Variants in LIMCH1 observed in about 807,000 individuals in gnomAD.
The protein encoded by LIMCH1 is LIM and calponin homology domains-containing protein 1.
In LIMCH1, 113 loss-of-function variants were observed where a neutral mutation model predicts 176.5. The observed-to-expected ratio is 0.64, with a 90% CI of 0.55 to 0.75. The LOEUF is 0.75. LIMCH1 is among the 30% of genes least tolerant of loss of function. The pLI is 0.00. For synonymous variants in LIMCH1, 619 were observed against 645.9 expected (o/e 0.96, Z 0.63); for missense variants, 1,674 against 1,814.9 (o/e 0.92, Z 1.41).
chr4:41,617,940 G>C (rs2092265042), intron 5 of LIMCH1, among the ~76,000 whole-genome samples: 1 of 152,204 alleles, frequency 6.6e-6, no homozygotes, highest in African/African-American at 2.4e-5. Flanking sequence ...TCTTCCAACA[G>C]CTATGAAGTA....
intron 1 of LIMCH1, among the ~76,000 whole-genome samples, chr4:41,405,713 G>A (rs1178689308): frequency 2.0e-5 from 3 of 151,948 alleles, no homozygotes; most frequent in Admixed American, 2.0e-4. Context: ...CAGTTACCCT[G>A]ATTTGATTAT....
At chr4:41,604,655 A>G (rs1275468332) in intron 3 of LIMCH1, among the ~76,000 whole-genome samples, 1 of 152,064 alleles carries the variant, frequency 6.6e-6, no homozygotes, top group African/African-American at 2.4e-5. Context: ...ACAACAGTCT[A>G]TTTTCCATTC....
At chr4:41,363,144 G>C (rs1051894182) in intron 1 of LIMCH1, among the ~76,000 whole-genome samples, 1 of 152,206 alleles carries the variant, frequency 6.6e-6, no homozygotes, top group Non-Finnish European at 1.5e-5. Flanking sequence ...GGTTCTTCTT[G>C]AAATGTAAAT....
chr4:41,547,220 C>T (rs573051808), intron 1 of LIMCH1, among the ~76,000 whole-genome samples: 5 of 152,236 alleles, frequency 3.3e-5, no homozygotes, highest in East Asian at 3.9e-4. Flanking sequence ...CAGCTATAGT[C>T]GCTGTGCTGT....
At chr4:41,484,155 A>G (rs2069121016) in intron 1 of LIMCH1, among the ~76,000 whole-genome samples, 2 of 152,232 alleles carry the variant, frequency 1.3e-5, no homozygotes, top group Non-Finnish European at 2.9e-5. Flanking sequence ...TCAGTTATGC[A>G]ATTTGTGTTC....
At chr4:41,522,860 G>A (rs1403132695) in intron 2 of LIMCH1, among the ~76,000 whole-genome samples, 1 of 152,112 alleles carries the variant, frequency 6.6e-6, no homozygotes, top group Non-Finnish European at 1.5e-5. Context: ...TCCAAAATAA[G>A]TTATAAAGAA....
Position 41,664,596 on chromosome 4 carries a change from A to G in LIMCH1, c.3291+1612A>G, listed in dbSNP as rs2094757418. Among the ~76,000 whole-genome samples the G allele has an allele frequency of 1.3e-5, 2 of 152,252 alleles. 1 individual carries two copies. The highest frequency in any genetic ancestry group is 1.3e-4 in the Admixed American group (2 of 15,288). ...TTTTATCAGCATCACACTAGTTACT[A>G]TTATTTATTACCCTTCCAAATTTAC... On this transcript the variant is annotated intron_variant, in intron 20 of 31. Transcript: ENST00000503057.
At chr4:41,672,162 G>C (rs2095062860) in intron 22 of LIMCH1, among the ~76,000 whole-genome samples, 1 of 152,134 alleles carries the variant, frequency 6.6e-6, no homozygotes, top group Non-Finnish European at 1.5e-5. Flanking sequence ...TTGAGGTCAG[G>C]AGTTCGAGAC....
At chr4:41,423,649 G>T (rs2060818864) in intron 1 of LIMCH1, among the ~76,000 whole-genome samples, 1 of 152,094 alleles carries the variant, frequency 6.6e-6, no homozygotes, top group African/African-American at 2.4e-5. Context: ...GGGGGAGAGT[G>T]AGGGTGGGAC....
intron 7 of LIMCH1, among the ~76,000 whole-genome samples, chr4:41,624,397 C>G (rs1450148388): frequency 1.3e-5 from 2 of 151,998 alleles, no homozygotes; most frequent in Non-Finnish European, 2.9e-5. Flanking sequence ...GACATGGATT[C>G]CTCTACAGCC....
chr4:41,574,647 A>G (rs2152637771), intron 1 of LIMCH1, among the ~76,000 whole-genome samples: 1 of 152,280 alleles, frequency 6.6e-6, no homozygotes, highest in East Asian at 1.9e-4. Context: ...CTACAAACCT[A>G]TCAGCTTAAC....
In LIMCH1 at chr4:41,620,625, C is replaced by G. The variant is rs2092495583; in HGVS notation, c.660C>G (p.Ile220Met). ...CTGAAGAAAAAGATGCTGCTGAGATCCAAAAGCGCAAAAGGCTAGAGCAAG... is the reference window on the plus strand; with the variant it reads ...CTGAAGAAAAAGATGCTGCTGAGATGCAAAAGCGCAAAAGGCTAGAGCAAG... The part of the protein sequence containing the change: ...PKSEEKDAAE[I>M]QKRKRLEQAG... Residue 220 changes from isoleucine to methionine, a missense_variant, in exon 7 of 32, where the codon ATC becomes ATG. Transcript: ENST00000503057. The G allele has an allele frequency of 3.3e-6, 5 of 1,536,052 alleles. No homozygotes were observed. Among genetic ancestry groups the G allele is most frequent in the Admixed American group, 2.0e-5 (1 of 50,988 alleles).
intron 1 of LIMCH1, among the ~76,000 whole-genome samples, chr4:41,418,163 C>T (rs1333252598): frequency 2.0e-5 from 3 of 152,042 alleles, no homozygotes; most frequent in African/African-American, 7.2e-5. Flanking sequence ...GAAGTTTTAG[C>T]GAATAAGTCA....
At chr4:41,644,403 G>A (rs1467608398) in intron 14 of LIMCH1, 97 bp from the exon 15 acceptor site, 1 of 1,382,036 alleles carries the variant, frequency 7.2e-7, no homozygotes, top group Non-Finnish European at 9.5e-7. Flanking sequence ...AGTTTTCCAA[G>A]CCCGGTAGCG....
intron 1 of LIMCH1, among the ~76,000 whole-genome samples, chr4:41,435,522 C>T (rs1475570284): frequency 6.6e-6 from 1 of 152,238 alleles, no homozygotes; most frequent in African/African-American, 2.4e-5. Flanking sequence ...GAAACTAATA[C>T]ACCCTTCTTG....
At chr4:41,394,471 T>C (rs986668794) in intron 1 of LIMCH1, among the ~76,000 whole-genome samples, 1 of 152,198 alleles carries the variant, frequency 6.6e-6, no homozygotes, top group Admixed American at 6.5e-5. Flanking sequence ...AAAATCTCTA[T>C]CATACTTCTC....
At chr4:41,522,643 G>A (rs904667208) in intron 2 of LIMCH1, among the ~76,000 whole-genome samples, 2 of 152,148 alleles carry the variant, frequency 1.3e-5, no homozygotes, top group African/African-American at 4.8e-5. Context: ...ATCTATCTGT[G>A]TATTTTAAAC....
intron 1 of LIMCH1, among the ~76,000 whole-genome samples, chr4:41,554,828 T>A (rs1160439614): frequency 1.3e-5 from 2 of 152,202 alleles, no homozygotes; most frequent in African/African-American, 2.4e-5. Context: ...ATTCATTCCA[T>A]AAATATTTAT....
At position 41,684,432 on chromosome 4, in the gene LIMCH1, C is replaced by G; in HGVS notation, c.3881C>G (p.Pro1294Arg). The change falls in exon 27 of 32, where the codon CCT (proline) becomes CGT (arginine). Residue 1294 changes from proline (P) to arginine (R), a missense_variant. Pro to Arg is a moderately radical substitution (Grantham distance 103). This residue lies in a region of LIMCH1 where 1,015 missense variants were observed against 1,102.5 expected (regional missense o/e 0.92). Coordinates refer to ENST00000503057, the MANE Select transcript of LIMCH1 (RefSeq NM_001330672.2). ...TEGALAHSGN[P>R]VSKGVHEDHQ... ...GGGGCCTTGGCTCATTCTGGGAACC[C>G]TGTATCAAAAGGAGTCCATGAAGAC... is the stretch of plus-strand genomic sequence containing the variant. 6.2e-7 allele frequency: 1 copy of G among 1,613,722 alleles called. No homozygotes were observed. Among genetic ancestry groups the G allele is most frequent in the African/African-American group, 1.3e-5 (1 of 74,996 alleles).
Sources: gnomAD v4.1 joint callset for allele counts (sites outside exome capture counted in the v4.1 genomes callset) on GRCh38, gnomAD v4.1.1 for gene constraint, gnomAD v4.1.1 regional missense constraint, MANE v1.5 for transcripts, NCBI Gene and HGNC (gene_info 2026-07-23, HGNC 2026-07-21) for gene names.